IL10RA: variants seen among roughly 807,000 people sequenced by gnomAD.
The protein encoded by IL10RA is interleukin-10 receptor subunit alpha.
A neutral mutation model predicts 29.6 loss-of-function variants in IL10RA; 18 were observed. The ratio of observed to expected loss-of-function variants is 0.61; its 90% CI spans 0.42 to 0.90. The LOEUF (loss-of-function observed/expected upper bound fraction) is 0.90, where lower values mean the gene tolerates loss of function less well. Among genes scored for constraint, IL10RA ranks in the 40% least tolerant of loss-of-function variants. The probability of loss-of-function intolerance (pLI) is 0.00; values close to 1 mark genes in which losing one functional copy is unlikely to be tolerated. For synonymous variants in IL10RA, 292 were observed against 294.1 expected (o/e 0.99, Z 0.07); for missense variants, 634 against 716.6 (o/e 0.88, Z 1.32).
chr11:117,989,673 G>A lies in IL10RA; in HGVS notation c.367+53G>A. On this transcript the variant is annotated intron_variant, in intron 3 of 6. Transcript: ENST00000227752. The surrounding 1 kb of genome is among the most constrained non-coding windows in gnomAD (Gnocchi z 4.5). The stretch of plus-strand genomic sequence containing the variant: ...TGGCTCTGAAGTCCCTTCCAGCCAG[G>A]AACTCTAGTCTAGAGCTTTTCTGTC... 1 of 1,564,178 alleles carries A rather than the reference G, an allele frequency of 6.4e-7. No individual in the cohort carries two copies. Among genetic ancestry groups the A allele is most frequent in the Non-Finnish European group, 8.8e-7 (1 of 1,141,512 alleles).
chr11:117,990,733 A>G (rs1165907956), intron 3 of IL10RA, among the ~76,000 whole-genome samples: 1 of 152,192 alleles, frequency 6.6e-6, no homozygotes, highest in Non-Finnish European at 1.5e-5. Flanking sequence ...TTTTCTGTCT[A>G]TTGGAAATTT....
intron 6 of IL10RA, 77 bp downstream of exon 6, chr11:117,995,787 C>G: frequency 6.7e-7 from 1 of 1,497,986 alleles, no homozygotes; most frequent in Non-Finnish European, 9.1e-7. Flanking sequence ...GAGCTCTTTT[C>G]CTCCCAGCCA....
chr11:117,989,555 G>A lies in IL10RA; in HGVS notation c.302G>A (p.Arg101Gln), dbSNP rs372372851. Residue 101 changes from arginine (R) to glutamine (Q), a missense_variant, in exon 3 of 7, where the codon CGG (arginine) becomes CAG (glutamine). Physicochemically the swap from Arg to Gln is conservative, Grantham distance 43 (BLOSUM62 1). Transcript: ENST00000227752. The surrounding 1 kb of genome is among the most constrained non-coding windows in gnomAD (Gnocchi z 4.5). ...AGCAATGGCTACCGGGCCAGAGTGC[G>A]GGCTGTGGACGGCAGCCGGCACTCC... ...YHSNGYRARVRAVDGSRHSNW... is the reference protein window; with the variant it reads ...YHSNGYRARVQAVDGSRHSNW... The A allele has an allele frequency of 4.6e-5, 75 of 1,614,038 alleles. No individual in the cohort carries two copies. In the South Asian group the frequency reaches 5.2e-4, roughly 11 times the overall value.
In IL10RA at chr11:117,999,597, C is replaced by T. The variant is rs375201461; in HGVS notation, c.1693C>T (p.Leu565=). 6.2e-7 allele frequency: 1 copy of T among 1,614,186 alleles called. No individual in the cohort carries two copies. The highest frequency in any genetic ancestry group is 1.3e-5 in the African/African-American group (1 of 75,058). ...TCTCCTGGGCAGCTTTAACTCAGACCTGGTCACCCTGCCCCTCATCTCTAG... is the reference window on the plus strand; with the variant it reads ...TCTCCTGGGCAGCTTTAACTCAGACTTGGTCACCCTGCCCCTCATCTCTAG... The part of the protein sequence containing the change: ...GGLLGSFNSD[L]VTLPLISSLQ... The change falls in exon 7 of 7, where the codon CTG becomes TTG. Residue 565 remains leucine (L), a synonymous_variant. Transcript: ENST00000227752.
Position 118,000,345 on chromosome 11 carries a change from T to G in IL10RA, c.*704T>G. 1 of 454,272 alleles carries G rather than the reference T, an allele frequency of 2.2e-6. No individual in the cohort carries two copies. Among genetic ancestry groups the G allele is most frequent in the Non-Finnish European group, 4.4e-6 (1 of 226,782 alleles). The allele number at this position is 454,272 out of a possible 1,614,324, so 28.1% of individuals were successfully genotyped here. A position where few individuals can be genotyped will look rare whatever the true frequency, so the allele number is the denominator to read the frequency against. On this transcript the variant is annotated 3_prime_UTR_variant, in exon 7 of 7. Transcript: ENST00000227752. Reference sequence around the variant, plus strand: ...CTGGTGGGTACCTCTGGCACCCATCTGCAAATATCTCCCTCTCTCCAACAA... The same window carrying G: ...CTGGTGGGTACCTCTGGCACCCATCGGCAAATATCTCCCTCTCTCCAACAA...
intron 1 of IL10RA, 173 bp from the exon 2 acceptor site, chr11:117,988,209 C>G (rs756184686): frequency 1.3e-6 from 1 of 757,840 alleles, no homozygotes; most frequent in Non-Finnish European, 2.2e-6. Context: ...GGGAGACACA[C>G]TAGCTCTAGA....
intron 1 of IL10RA, 184 bp from the exon 2 acceptor site, chr11:117,988,198 A>G: frequency 1.4e-6 from 1 of 706,824 alleles, no homozygotes; most frequent in Admixed American, 2.1e-5. Context: ...GCAGTGATTT[A>G]GGGAGACACA....
intron 6 of IL10RA, 21 bp from the exon 7 acceptor site, chr11:117,998,694 A>G (rs1489165036): frequency 4.3e-6 from 7 of 1,611,304 alleles, no homozygotes; most frequent in Non-Finnish European, 5.9e-6. Flanking sequence ...TGCTTCTCTC[A>G]CTCTGCCCTC....
At chr11:117,998,219 G>T (rs2058068492) in intron 6 of IL10RA, among the ~76,000 whole-genome samples, 1 of 152,182 alleles carries the variant, frequency 6.6e-6, no homozygotes, top group Admixed American at 6.5e-5. Flanking sequence ...GGCATAGACT[G>T]GGATACAATA....
At chr11:118,002,824 G>A (rs1213059225), downstream of IL10RA, 1 of 152,258 alleles carries the variant, frequency 6.6e-6, no homozygotes, top group African/African-American at 2.4e-5. Context: ...GACACTTGCA[G>A]ATTTCTTGGG....
intron 3 of IL10RA, among the ~76,000 whole-genome samples, chr11:117,991,137 G>A (rs2058019971): frequency 6.6e-6 from 1 of 152,120 alleles, no homozygotes; most frequent in Admixed American, 6.5e-5. Flanking sequence ...GGCAGAGGTT[G>A]CAGTGAGCCA....
intron 3 of IL10RA, 66 bp from the exon 4 acceptor site, chr11:117,993,175 G>T: frequency 6.9e-7 from 1 of 1,451,094 alleles, no homozygotes; most frequent in East Asian, 2.3e-5. Flanking sequence ...AGTCTCGGCG[G>T]GGACACCCAG....
rs1428017424 is a variant in IL10RA at position 118,000,455 on chromosome 11, T to C, written c.*814T>C. The C allele has an allele frequency of 4.4e-6, 2 of 454,142 alleles. No homozygotes were observed. The highest frequency in any genetic ancestry group is 8.8e-6 in the Non-Finnish European group (2 of 226,784). The allele number at this position is 454,142 out of a possible 1,614,324, so 28.1% of individuals were successfully genotyped here. A position where few individuals can be genotyped will look rare whatever the true frequency, so the allele number is the denominator to read the frequency against. ...CTGCCCCACCATCTTGCTGACAACTTCCAGAGAAGCCATGGTTTTTTGTAT... is the reference window on the plus strand; with the variant it reads ...CTGCCCCACCATCTTGCTGACAACTCCCAGAGAAGCCATGGTTTTTTGTAT... On this transcript the variant is annotated 3_prime_UTR_variant, in exon 7 of 7. Transcript: ENST00000227752.
rs2058007030 is a variant in IL10RA at position 117,989,232 on chromosome 11, A to C, written c.189-210A>C. Among the ~76,000 whole-genome samples, 1 of 152,238 alleles carries C rather than the reference A, an allele frequency of 6.6e-6. No individual in the cohort carries two copies. The highest frequency in any genetic ancestry group is 2.4e-5 in the African/African-American group (1 of 41,464). ...GGGCCTACTCGTATTCCTATCTAAA[A>C]ATCTGCTAGACCACATGGAAATTGG... On this transcript the variant is annotated intron_variant, in intron 2 of 6. Coordinates refer to ENST00000227752, the MANE Select transcript of IL10RA (RefSeq NM_001558.4). The surrounding 1 kb of genome is among the most constrained non-coding windows in gnomAD (Gnocchi z 4.5).
chr11:117,993,476 C>T, intron 4 of IL10RA, 66 bp downstream of exon 4: 1 of 1,424,120 alleles, frequency 7.0e-7, no homozygotes, highest in South Asian at 1.1e-5. Context: ...GGGCTGGAAG[C>T]ACCCTTGTGT....
chr11:117,998,003 C>T (rs2058066710), intron 6 of IL10RA, among the ~76,000 whole-genome samples: 1 of 152,162 alleles, frequency 6.6e-6, no homozygotes, highest in South Asian at 2.1e-4. Flanking sequence ...ACAGAAAGAA[C>T]ACCAGTGTGG....
rs754135627 is a variant in IL10RA at position 117,989,758 on chromosome 11, A to G, written c.367+138A>G. 4.8e-5 allele frequency: 40 copies of G among 837,008 alleles called. No individual in the cohort carries two copies. Among genetic ancestry groups the G allele is most frequent in the Non-Finnish European group, 7.6e-5 (39 of 509,940 alleles). The allele number at this position is 837,008 out of a possible 1,614,324, so 51.8% of individuals were successfully genotyped here. A position where few individuals can be genotyped will look rare whatever the true frequency, so the allele number is the denominator to read the frequency against. On this transcript the variant is annotated intron_variant, in intron 3 of 6. Transcript: ENST00000227752. This position sits in a 1 kb window ranked among gnomAD's most constrained non-coding sequence, Gnocchi z 4.5. ...TGGCCGGAGAACTAGTTGCCCAAAC[A>G]GGGCAGGACTTTGGAGAATGTTAGA...
downstream of IL10RA, chr11:118,002,086 A>C (rs564264530): frequency 2.5e-4 from 38 of 153,504 alleles, no homozygotes; most frequent in African/African-American, 8.7e-4. Flanking sequence ...GGCATGTCCC[A>C]GTGGTGGTTC....
In IL10RA at chr11:117,993,947, C is replaced by T. The variant is rs1046115951; in HGVS notation, c.538-52C>T. 9 of 1,532,262 alleles carry T rather than the reference C, an allele frequency of 5.9e-6. No homozygotes were observed. The Admixed American group carries it at 6.7e-5, about 11-fold the overall frequency. 94.9% of individuals were successfully genotyped at this position (1,532,262 alleles called of 1,614,324 possible). ...TAAAGGCCCACCAGCTCTCAGTGTC[C>T]GTGTGCCATGAAATAAAAGGATTTT... On this transcript the variant is annotated intron_variant, in intron 4 of 6. Transcript: ENST00000227752.
Sources: gnomAD v4.1 joint callset for allele counts (sites outside exome capture counted in the v4.1 genomes callset) on GRCh38, gnomAD v4.1.1 for gene constraint, Gnocchi (gnomAD v3.1) non-coding constraint, MANE v1.5 for transcripts, NCBI Gene and HGNC (gene_info 2026-07-23, HGNC 2026-07-21) for gene names.